ATP5F1C: variants seen among roughly 807,000 people sequenced by gnomAD.
ATP5F1C encodes the protein ATP synthase F(1) complex subunit gamma, mitochondrial.
Under a neutral mutation model 37.4 loss-of-function variants are expected in ATP5F1C, and 22 were observed. The observed-to-expected ratio is 0.59, with a 90% CI of 0.42 to 0.84. The LOEUF (loss-of-function observed/expected upper bound fraction) is 0.84, where lower values mean the gene tolerates loss of function less well. Ranked by LOEUF, ATP5F1C falls within the 40% of genes least tolerant of loss-of-function variation. The pLI is 0.00. For missense variants in ATP5F1C, 286 were observed against 362.4 expected, an observed-to-expected ratio of 0.79 and a Z score of 1.71; for synonymous variants, 121 against 128.0, an observed-to-expected ratio of 0.95 and a Z score of 0.37.
Position 7,800,303 on chromosome 10 carries a change from C to T in ATP5F1C, c.637+212C>T, listed in dbSNP as rs555008364. Among the ~76,000 whole-genome samples, 38 of 152,224 alleles carry T rather than the reference C, an allele frequency of 2.5e-4. No homozygotes were observed. The Middle Eastern group carries it at 0.014, about 55-fold the overall frequency. On this transcript the variant is annotated intron_variant, in intron 6 of 9. Transcript: ENST00000356708. Reference sequence around the variant, plus strand: ...TTCCGCCTCCTGGGTTCACACCATTCTCCTGCCTCAGCCTCCCTAGTACCT... The same window carrying T: ...TTCCGCCTCCTGGGTTCACACCATTTTCCTGCCTCAGCCTCCCTAGTACCT...
intron 3 of ATP5F1C, among the ~76,000 whole-genome samples, chr10:7,798,774 G>A (rs1018550258): frequency 5.3e-5 from 8 of 151,970 alleles, no homozygotes; most frequent in African/African-American, 1.7e-4. Flanking sequence ...CAGGTGATCC[G>A]CCCACCTCGG....
chr10:7,807,734 A>C lies in ATP5F1C; in HGVS notation c.*106A>C. 6.7e-7 allele frequency: 1 copy of C among 1,496,388 alleles called. No homozygotes were observed. The highest frequency in any genetic ancestry group is 2.3e-5 in the East Asian group (1 of 43,980). The allele number at this position is 1,496,388 out of a possible 1,614,324, so 92.7% of individuals were successfully genotyped here. A position where few individuals can be genotyped will look rare whatever the true frequency, so the allele number is the denominator to read the frequency against. ...CTTTGTCCGAAGAAACTGTTCCTCC[A>C]TTATTTGAATTACTGAAGACAGCAA... On this transcript the variant is annotated 3_prime_UTR_variant, in exon 10 of 10. Coordinates refer to ENST00000356708, the MANE Select transcript of ATP5F1C (RefSeq NM_001001973.3).
At chr10:7,796,587 C>CT (rs144682242) in intron 2 of ATP5F1C, 39,764 of 144,610 alleles carry the variant, frequency 0.27, 5,759 homozygotes, top group South Asian at 0.37. Context: ...AGTACTATTT[C>CT]TATTTTTTTT....
At chr10:7,800,651 C>T (rs1374080987) in intron 6 of ATP5F1C, among the ~76,000 whole-genome samples, 2 of 151,808 alleles carry the variant, frequency 1.3e-5, no homozygotes, top group South Asian at 2.1e-4. Context: ...CACGCCACCA[C>T]GCCTGGCTAA....
At chr10:7,804,118 A>G (rs780181595) in intron 8 of ATP5F1C, 4 of 519,030 alleles carry the variant, frequency 7.7e-6, no homozygotes, top group Non-Finnish European at 1.5e-5. Flanking sequence ...TGTGGCCTGG[A>G]GCTAAGAATG....
chr10:7,796,024 G>A (rs1836231465), intron 1 of ATP5F1C, 97 bp from the exon 2 acceptor site: 2 of 860,558 alleles, frequency 2.3e-6, no homozygotes, highest in Non-Finnish European at 3.6e-6. Flanking sequence ...TCTTTATGGG[G>A]TATTCTTTAA....
intron 6 of ATP5F1C, among the ~76,000 whole-genome samples, chr10:7,800,951 C>T (rs559443671): frequency 1.5e-4 from 23 of 152,202 alleles, no homozygotes; most frequent in African/African-American, 3.4e-4. Context: ...GATTGAAGAG[C>T]GTAGCTAGAA....
intron 1 of ATP5F1C, among the ~76,000 whole-genome samples, chr10:7,795,877 G>A (rs1429944734): frequency 6.6e-6 from 1 of 152,160 alleles, no homozygotes; most frequent in African/African-American, 2.4e-5. Context: ...AATAGAGCAT[G>A]TTGACTTCTG....
chr10:7,791,146 A>C (rs191761654), intron 1 of ATP5F1C, among the ~76,000 whole-genome samples: 148 of 152,254 alleles, frequency 9.7e-4, no homozygotes, highest in Non-Finnish European at 1.9e-3. Flanking sequence ...CTAAAAATAC[A>C]AAAATTACCC....
rs1040364917 is a variant in ATP5F1C at position 7,799,013 on chromosome 10, A to G, written c.247A>G (p.Lys83Glu). 16 of 1,612,184 alleles carry G rather than the reference A, an allele frequency of 9.9e-6. No homozygotes were observed. Among genetic ancestry groups the G allele is most frequent in the Non-Finnish European group, 1.3e-5 (15 of 1,179,846 alleles). ...AGCTCTGTATGAAAAAGCTGATATC[A>G]AGGGGCCTGAAGACAAGAAGAAACA... ...SLALYEKADI[K>E]GPEDKKKHLL... Residue 83 changes from lysine (K) to glutamate (E), a missense_variant, in exon 4 of 10, where the codon AAG becomes GAG. Coordinates refer to ENST00000356708, the MANE Select transcript of ATP5F1C (RefSeq NM_001001973.3).
chr10:7,807,509 C>T, intron 9 of ATP5F1C, 150 bp from the exon 10 acceptor site: 1 of 897,934 alleles, frequency 1.1e-6, no homozygotes, highest in East Asian at 2.8e-5. Flanking sequence ...TTCCCCAGAC[C>T]AAAATTTTAG....
intron 8 of ATP5F1C, among the ~76,000 whole-genome samples, chr10:7,805,628 T>A (rs1206969143): frequency 6.6e-6 from 1 of 150,918 alleles, no homozygotes; most frequent in Non-Finnish European, 1.5e-5. Flanking sequence ...GCGCCTGTAG[T>A]CCCAGCTACT....
At chr10:7,806,610 C>T (rs1387106298) in intron 8 of ATP5F1C, among the ~76,000 whole-genome samples, 3 of 150,978 alleles carry the variant, frequency 2.0e-5, no homozygotes, top group South Asian at 2.1e-4. Flanking sequence ...GCTGAGATCA[C>T]GCCACTGCAC....
At chr10:7,796,033 A>T in intron 1 of ATP5F1C, 88 bp from the exon 2 acceptor site, 1 of 998,612 alleles carries the variant, frequency 1.0e-6, no homozygotes, top group Non-Finnish European at 1.5e-6. Context: ...GGTATTCTTT[A>T]AATAAATATA....
Position 7,806,983 on chromosome 10 carries a change from A to G in ATP5F1C, c.*3A>G. The G allele has an allele frequency of 6.2e-7, 1 of 1,612,400 alleles. No individual in the cohort carries two copies. The highest frequency in any genetic ancestry group is 8.5e-7 in the Non-Finnish European group (1 of 1,178,648). ...CTAATATAATAACCAGGGATTAATGAAAATCAAGTTCCATCCTCAGACAAG... is the reference window on the plus strand; with the variant it reads ...CTAATATAATAACCAGGGATTAATGGAAATCAAGTTCCATCCTCAGACAAG... On this transcript the variant is annotated 3_prime_UTR_variant, in exon 9 of 10. Transcript: ENST00000356708.
intron 4 of ATP5F1C, chr10:7,799,549 A>AG: frequency 3.4e-6 from 2 of 587,434 alleles, no homozygotes; most frequent in South Asian, 4.7e-5. Context: ...AGAGGAATAA[A>AG]GGGGAAAAGA....
chr10:7,799,647 A>G, intron 4 of ATP5F1C, 125 bp from the exon 5 acceptor site: 1 of 1,097,546 alleles, frequency 9.1e-7, no homozygotes, highest in Non-Finnish European at 1.3e-6. Context: ...AACTCAGGAA[A>G]TCACCACCAC....
rs147437814 is a variant in ATP5F1C at position 7,790,671 on chromosome 10, T to C, written c.56+2408T>C. On this transcript the variant is annotated intron_variant, in intron 1 of 9. Coordinates refer to ENST00000356708, the MANE Select transcript of ATP5F1C (RefSeq NM_001001973.3). ...AATGTGAGGCAGCAGAGTGTAGTAC[T>C]GTATGAAGAGAGAGACTCTGTAGCC... is the stretch of plus-strand genomic sequence containing the variant. Among the ~76,000 whole-genome samples, 856 of 152,328 alleles carry C rather than the reference T, an allele frequency of 5.6e-3. 2 individuals are homozygous for C. The highest frequency in any genetic ancestry group is 8.6e-3 in the Non-Finnish European group (585 of 68,030).
At chr10:7,788,615 C>T (rs1836098050) in intron 1 of ATP5F1C, among the ~76,000 whole-genome samples, 1 of 152,168 alleles carries the variant, frequency 6.6e-6, no homozygotes, top group Non-Finnish European at 1.5e-5. Flanking sequence ...GCAAGCCAGG[C>T]CCCCAGTCTC....
Sources: allele counts gnomAD v4.1 joint callset (sites outside exome capture counted in the v4.1 genomes callset), GRCh38; gene constraint gnomAD v4.1.1; transcripts MANE v1.5; gene names NCBI Gene and HGNC (gene_info 2026-07-23, HGNC 2026-07-21).